Variants in NR2C2 observed in about 807,000 individuals in gnomAD.
NR2C2 encodes the protein Nuclear hormone receptor TR4.
A neutral mutation model predicts 62.9 loss-of-function variants in NR2C2; 6 were observed. The ratio of observed to expected loss-of-function variants is 0.10; its 90% confidence interval spans 0.05 to 0.19. The LOEUF (loss-of-function observed/expected upper bound fraction) is 0.19. Among genes scored for constraint, NR2C2 ranks in the 10% least tolerant of loss-of-function variants. NR2C2 has a pLI of 1.00. For missense variants in NR2C2, 479 were observed against 762.7 expected (o/e 0.63, Z 4.38); for synonymous variants, 272 against 273.8 (o/e 0.99, Z 0.07).
chr3:14,976,753 A>C (rs1200140273), intron 1 of NR2C2, among the ~76,000 whole-genome samples: 8 of 151,984 alleles, frequency 5.3e-5, no homozygotes, highest in Non-Finnish European at 1.2e-4. Flanking sequence ...AGGAATAGAA[A>C]TCTAAGTTGA....
At chr3:14,990,969 G>C (rs562232529) in intron 1 of NR2C2, among the ~76,000 whole-genome samples, 1 of 152,204 alleles carries the variant, frequency 6.6e-6, no homozygotes, top group Admixed American at 6.5e-5. Context: ...TGTTGTTTTT[G>C]GCAGGTTACT....
chr3:15,032,546 C>T (rs761010547), intron 10 of NR2C2, 46 bp downstream of exon 10: 69 of 1,613,186 alleles, frequency 4.3e-5, no homozygotes, highest in Non-Finnish European at 5.3e-5. Flanking sequence ...AGGAGCCTTC[C>T]TCTCCCTAGG....
intron 4 of NR2C2, among the ~76,000 whole-genome samples, chr3:15,018,809 G>T (rs1477488766): frequency 6.6e-6 from 1 of 152,034 alleles, no homozygotes; most frequent in Non-Finnish European, 1.5e-5. Context: ...CTGAGGTCAG[G>T]AGTTCGAGAC....
chr3:14,998,544 T>C (rs958441937), intron 1 of NR2C2, among the ~76,000 whole-genome samples: 1 of 152,242 alleles, frequency 6.6e-6, no homozygotes, highest in African/African-American at 2.4e-5. Context: ...CCTGTGCTTA[T>C]TGGCCATTTG....
chr3:14,966,195 A>G (rs79846342), intron 1 of NR2C2, among the ~76,000 whole-genome samples: 1,669 of 152,342 alleles, frequency 0.011, 26 homozygotes, highest in African/African-American at 0.037. Flanking sequence ...CTCAATCAGC[A>G]GATAATGAAG....
At chr3:15,015,245 T>C (rs2041475994) in intron 3 of NR2C2, among the ~76,000 whole-genome samples, 1 of 152,242 alleles carries the variant, frequency 6.6e-6, no homozygotes, top group Non-Finnish European at 1.5e-5. Flanking sequence ...TAAATCATTT[T>C]AAGGCTTATT....
chr3:15,029,001 C>T (rs753010956), intron 8 of NR2C2, among the ~76,000 whole-genome samples: 10 of 152,068 alleles, frequency 6.6e-5, no homozygotes, highest in South Asian at 2.1e-4. Context: ...TAGTGGACAG[C>T]GGTTATTTGT....
At position 15,049,130 on chromosome 3, in the gene NR2C2, T is replaced by G. The variant is rs970238027; in HGVS notation, c.*6122T>G. The G allele has an allele frequency of 6.6e-6, 1 of 152,642 alleles. No individual in the cohort carries two copies. Among genetic ancestry groups the G allele is most frequent in the Non-Finnish European group, 1.5e-5 (1 of 68,020 alleles). The allele number at this position is 152,642 out of a possible 1,614,324, so 9.5% of individuals were successfully genotyped here. A position where few individuals can be genotyped will look rare whatever the true frequency, so the allele number is the denominator to read the frequency against. On this transcript the variant is annotated 3_prime_UTR_variant, in exon 14 of 14. Coordinates refer to ENST00000425241, the MANE Select transcript of NR2C2 (RefSeq NM_001291694.2). ...TTCAGTCTTGAAGAAGAATTTGCATTGTTGTGTTTGTATATAGAGTATTGC... is the reference window on the plus strand; with the variant it reads ...TTCAGTCTTGAAGAAGAATTTGCATGGTTGTGTTTGTATATAGAGTATTGC...
At chr3:15,020,996 A>C (rs1305218755) in intron 5 of NR2C2, 64 bp downstream of exon 5, 2 of 1,480,882 alleles carry the variant, frequency 1.4e-6, no homozygotes, top group African/African-American at 2.8e-5. Context: ...TGAGTCCATT[A>C]AATAAGGTTT....
In NR2C2 at chr3:14,947,750, G is replaced by C. The variant is rs1336973898; in HGVS notation, c.-196G>C. On this transcript the variant is annotated 5_prime_UTR_variant, in exon 1 of 14. Transcript: ENST00000425241. ...CACCCCGCTCCCACCTCGGCGTCTCGTCTCTCGCCCGCTGCCCCGCGAGCC... is the reference window on the plus strand; with the variant it reads ...CACCCCGCTCCCACCTCGGCGTCTCCTCTCTCGCCCGCTGCCCCGCGAGCC... 2.0e-5 allele frequency: 3 copies of C among 148,540 alleles called. No individual in the cohort carries two copies. Among genetic ancestry groups the C allele is most frequent in the Non-Finnish European group, 4.5e-5 (3 of 66,762 alleles). 9.2% of individuals were successfully genotyped at this position (148,540 alleles called of 1,614,324 possible). A position where few individuals can be genotyped will look rare whatever the true frequency, so the allele number is the denominator to read the frequency against.
chr3:14,978,752 G>C (rs979323387), intron 1 of NR2C2, among the ~76,000 whole-genome samples: 3 of 152,182 alleles, frequency 2.0e-5, no homozygotes, highest in Non-Finnish European at 4.4e-5. Context: ...GAAAACCGAA[G>C]AACAGGGCCG....
At chr3:14,969,523 G>A (rs1227710647) in intron 1 of NR2C2, among the ~76,000 whole-genome samples, 2 of 152,096 alleles carry the variant, frequency 1.3e-5, no homozygotes, top group African/African-American at 2.4e-5. Flanking sequence ...TTACAGGCGT[G>A]AGCCACCATG....
At position 15,020,636 on chromosome 3, in the gene NR2C2, A is replaced by G. The variant is rs1431441594; in HGVS notation, c.377-117A>G. On this transcript the variant is annotated intron_variant, in intron 4 of 13. Coordinates refer to ENST00000425241, the MANE Select transcript of NR2C2 (RefSeq NM_001291694.2). ...TCAGGCCACGTGGCTGTTGGCATCT[A>G]ACAGTGTATGGCACCCATCACTTCA... 5.2e-6 allele frequency: 6 copies of G among 1,164,376 alleles called. No homozygotes were observed. In the African/African-American group the frequency reaches 7.7e-5, roughly 15 times the overall value. The allele number at this position is 1,164,376 out of a possible 1,614,324, so 72.1% of individuals were successfully genotyped here. A position where few individuals can be genotyped will look rare whatever the true frequency, so the allele number is the denominator to read the frequency against.
At chr3:15,032,572 C>A in intron 10 of NR2C2, 72 bp downstream of exon 10, 1 of 1,572,290 alleles carries the variant, frequency 6.4e-7, no homozygotes, top group East Asian at 2.2e-5. Context: ...CCTGGAAGAA[C>A]TCTGAGGGCC....
intron 1 of NR2C2, among the ~76,000 whole-genome samples, chr3:15,002,519 T>C (rs997656058): frequency 1.3e-5 from 2 of 152,088 alleles, no homozygotes; most frequent in African/African-American, 4.8e-5. Flanking sequence ...ATAAGAGATA[T>C]TGGTCTGTAG....
rs1002445051 is a variant in NR2C2 at position 15,039,992 on chromosome 3, T to G, written c.1616+765T>G. On this transcript the variant is annotated intron_variant, in intron 13 of 13. Coordinates refer to ENST00000425241, the MANE Select transcript of NR2C2 (RefSeq NM_001291694.2). ...GGTGAAACCCCGTCTCTACTAAAAA[T>G]ATTTAAAAAAAAATTAGCCAGGCAC... 6.6e-5 allele frequency among the ~76,000 whole-genome samples: 10 copies of G among 151,544 alleles called. No individual in the cohort carries two copies. In the East Asian group the frequency reaches 9.7e-4, roughly 15 times the overall value.
Position 14,980,057 on chromosome 3 carries a change from T to C in NR2C2, c.-39-23819T>C, listed in dbSNP as rs1020411619. Among the ~76,000 whole-genome samples the C allele has an allele frequency of 2.6e-5, 4 of 152,130 alleles. No homozygotes were observed. The South Asian group carries it at 6.2e-4, about 24-fold the overall frequency. On this transcript the variant is annotated intron_variant, in intron 1 of 13. Coordinates refer to ENST00000425241, the MANE Select transcript of NR2C2 (RefSeq NM_001291694.2). Reference sequence around the variant, plus strand: ...CCGTAGTCCCCACTGTAGAATTTCCTTAGGTGGCCATATTATATACTACGT... The same window carrying C: ...CCGTAGTCCCCACTGTAGAATTTCCCTAGGTGGCCATATTATATACTACGT...
intron 1 of NR2C2, among the ~76,000 whole-genome samples, chr3:15,000,437 T>C (rs2040956709): frequency 6.6e-6 from 1 of 152,224 alleles, no homozygotes; most frequent in African/African-American, 2.4e-5. Flanking sequence ...TGTTGGTTGA[T>C]TATGTAACTT....
intron 1 of NR2C2, among the ~76,000 whole-genome samples, chr3:14,963,642 T>A (rs2039752605): frequency 6.6e-6 from 1 of 152,078 alleles, no homozygotes; most frequent in African/African-American, 2.4e-5. Flanking sequence ...GGCTAATTTT[T>A]TGTATTTTTA....
Sources: allele counts gnomAD v4.1 joint callset (sites outside exome capture counted in the v4.1 genomes callset), GRCh38; gene constraint gnomAD v4.1.1; transcripts MANE v1.5; gene names NCBI Gene and HGNC (gene_info 2026-07-23, HGNC 2026-07-21).